Variants in SLC11A2 observed in about 807,000 individuals in gnomAD.
SLC11A2 encodes the protein solute carrier family 11 member 2.
Under a neutral mutation model 68.0 loss-of-function variants are expected in SLC11A2, and 38 were observed. The observed-to-expected ratio is 0.56, with a 90% CI of 0.43 to 0.73. The LOEUF is 0.73. SLC11A2 is among the 30% of genes least tolerant of loss of function. The pLI is 0.00. For missense variants in SLC11A2, 517 were observed against 690.5 expected (o/e 0.75, Z 2.82); for synonymous variants, 242 against 250.6 (o/e 0.97, Z 0.32).
At chr12:50,970,412 C>T in the SLC11A2 span, 7 of 1,105,926 alleles carry the variant, frequency 6.3e-6, no homozygotes, top group East Asian at 1.6e-4. Flanking sequence ...CCCATGGATA[C>T]TCAATTGATA....
downstream of SLC11A2, among the ~76,000 whole-genome samples, chr12:50,982,944 A>AG (rs1432453053): frequency 1.3e-5 from 2 of 151,644 alleles, no homozygotes; most frequent in South Asian, 2.1e-4. Flanking sequence ...CCGTCAAAAA[A>AG]AAAAAAAAAA....
chr12:51,013,168 T>G (rs12316220), intron 1 of SLC11A2, among the ~76,000 whole-genome samples: 4,864 of 152,276 alleles, frequency 0.032, 249 homozygotes, highest in African/African-American at 0.11. Context: ...CTTGGGCTAT[T>G]TGATATGAGG....
At chr12:50,991,699 A>T in intron 13 of SLC11A2, 27 bp from the exon 14 acceptor site, 1 of 1,574,624 alleles carries the variant, frequency 6.4e-7, no homozygotes, top group Non-Finnish European at 8.7e-7. Flanking sequence ...ATCAGATGGG[A>T]TTACTATGGG....
Position 50,986,350 on chromosome 12 carries a change from A to G in SLC11A2, c.*1975T>C. 1.6e-6 allele frequency: 2 copies of G among 1,281,890 alleles called. No homozygotes were observed. Among genetic ancestry groups the G allele is most frequent in the Non-Finnish European group, 2.0e-6 (2 of 983,766 alleles). 79.4% of individuals were successfully genotyped at this position (1,281,890 alleles called of 1,614,324 possible). On this transcript the variant is annotated 3_prime_UTR_variant, in exon 16 of 16. Transcript: ENST00000262052. ...GCACTTTCTGTGAAGATCAAATGCAATAACGTATGAGGGTATTTTTAACAC... is the reference window on the plus strand; with the variant it reads ...GCACTTTCTGTGAAGATCAAATGCAGTAACGTATGAGGGTATTTTTAACAC...
At chr12:51,023,729 C>T (rs1370417084) in intron 1 of SLC11A2, among the ~76,000 whole-genome samples, 3 of 152,138 alleles carry the variant, frequency 2.0e-5, no homozygotes, top group African/African-American at 7.2e-5. Context: ...GGCCAACTTC[C>T]AACTTTAAAT....
At chr12:51,012,963 C>A (rs1011342945) in intron 1 of SLC11A2, among the ~76,000 whole-genome samples, 1 of 152,192 alleles carries the variant, frequency 6.6e-6, no homozygotes, top group Non-Finnish European at 1.5e-5. Context: ...CCAATCACAG[C>A]ACAGCCCCGA....
At chr12:50,970,801 C>A in the SLC11A2 span, among the ~76,000 whole-genome samples, 1 of 152,150 alleles carries the variant, frequency 6.6e-6, no homozygotes, top group Non-Finnish European at 1.5e-5. Context: ...ATCTGTCAAA[C>A]TAATGATAAT....
At chr12:51,027,294 G>A (rs574509389), upstream of SLC11A2, among the ~76,000 whole-genome samples, 1 of 152,104 alleles carries the variant, frequency 6.6e-6, no homozygotes, top group South Asian at 2.1e-4. Context: ...AGACAAGATC[G>A]TGCCACTGCA....
chr12:50,967,328 G>A, the SLC11A2 span, among the ~76,000 whole-genome samples: 2 of 151,982 alleles, frequency 1.3e-5, no homozygotes, highest in East Asian at 1.9e-4. Flanking sequence ...AAATTTTTTC[G>A]TAGAGGTGGG....
intron 2 of SLC11A2, among the ~76,000 whole-genome samples, chr12:51,010,188 C>CAA (rs574693810): frequency 8.1e-5 from 10 of 122,910 alleles, no homozygotes; most frequent in Non-Finnish European, 1.2e-4. Context: ...AACTCCGCCT[C>CAA]AAAAAAAAAA....
chr12:50,981,802 C>A (rs1249042755), downstream of SLC11A2: 6 of 1,505,056 alleles, frequency 4.0e-6, no homozygotes, highest in Admixed American at 4.4e-5. Flanking sequence ...TCCCAGATGG[C>A]ACTAAGGAAA....
intron 1 of SLC11A2, among the ~76,000 whole-genome samples, chr12:51,016,894 G>A (rs1191336222): frequency 1.4e-5 from 2 of 146,652 alleles, no homozygotes; most frequent in East Asian, 2.0e-4. Flanking sequence ...GGTGGTGGGC[G>A]TCTGTAGTCC....
At chr12:51,015,975 G>A (rs1245173330) in intron 1 of SLC11A2, among the ~76,000 whole-genome samples, 1 of 152,056 alleles carries the variant, frequency 6.6e-6, no homozygotes, top group Admixed American at 6.5e-5. Context: ...AGTAAAGACG[G>A]GGTTTCACCG....
chr12:51,021,836 T>C (rs1458036665), intron 1 of SLC11A2, among the ~76,000 whole-genome samples: 1 of 152,084 alleles, frequency 6.6e-6, no homozygotes, highest in Non-Finnish European at 1.5e-5. Flanking sequence ...AGAGTACAGC[T>C]GATAATGAAA....
the SLC11A2 span, among the ~76,000 whole-genome samples, chr12:50,964,415 T>A: frequency 6.6e-6 from 1 of 152,248 alleles, no homozygotes; most frequent in Admixed American, 6.5e-5. Flanking sequence ...GATTTAGTTT[T>A]CCATTGTCTT....
intron 10 of SLC11A2, among the ~76,000 whole-genome samples, 197 bp downstream of exon 10, chr12:50,995,432 A>T (rs943674717): frequency 6.6e-6 from 1 of 152,228 alleles, no homozygotes; most frequent in Non-Finnish European, 1.5e-5. Context: ...ACAAAAGCTG[A>T]GAAAGAGGGT....
chr12:50,969,683 C>T, the SLC11A2 span, among the ~76,000 whole-genome samples: 1 of 139,826 alleles, frequency 7.2e-6, no homozygotes, highest in Non-Finnish European at 1.5e-5. Context: ...GCCTGGGTGA[C>T]AAGAGCAAGA....
upstream of SLC11A2, chr12:51,026,466 G>T: frequency 1.4e-6 from 1 of 740,272 alleles, no homozygotes; most frequent in Non-Finnish European, 2.0e-6. Flanking sequence ...TGCAGCGGCC[G>T]GGATGCGTGG....
chr12:51,005,550 T>C (rs1942648837), intron 3 of SLC11A2, 114 bp from the exon 4 acceptor site: 1 of 1,552,496 alleles, frequency 6.4e-7, no homozygotes, highest in South Asian at 1.2e-5. Flanking sequence ...AAAAAGGATT[T>C]ACAATGTCAG....
Sources: gnomAD v4.1 joint callset for allele counts (sites outside exome capture counted in the v4.1 genomes callset) on GRCh38, gnomAD v4.1.1 for gene constraint, MANE v1.5 for transcripts, NCBI Gene and HGNC (gene_info 2026-07-23, HGNC 2026-07-21) for gene names.